MECOM: variants seen among roughly 807,000 people sequenced by gnomAD.
MECOM encodes the protein histone-lysine N-methyltransferase MECOM.
MECOM carries 13 observed loss-of-function variants against 116.3 expected under a neutral mutation model. The observed-to-expected ratio is 0.11, with a 90% CI of 0.07 to 0.18. The LOEUF (loss-of-function observed/expected upper bound fraction) is 0.18. MECOM is among the 10% of genes least tolerant of loss of function. The pLI is 1.00. For synonymous variants in MECOM, 528 were observed against 535.2 expected (o/e 0.99, Z 0.19); for missense variants, 1,299 against 1,509.0 (o/e 0.86, Z 2.31).
At chr3:169,113,010 C>A in intron 8 of MECOM, 136 bp from the exon 9 acceptor site, 1 of 609,856 alleles carries the variant, frequency 1.6e-6, no homozygotes, top group Admixed American at 3.2e-5. Flanking sequence ...ACTATAGAGA[C>A]ATCTGTCCAG....
At chr3:169,432,830 A>C (rs572130510) in intron 1 of MECOM, among the ~76,000 whole-genome samples, 5 of 152,346 alleles carry the variant, frequency 3.3e-5, no homozygotes, top group Non-Finnish European at 2.9e-5. Flanking sequence ...TAAAGGCTAC[A>C]GTAGATTGTT....
chr3:169,479,751 T>C (rs190322098), intron 1 of MECOM, among the ~76,000 whole-genome samples: 4 of 152,100 alleles, frequency 2.6e-5, no homozygotes, highest in African/African-American at 4.8e-5. Context: ...TCATGCCTAA[T>C]GTCTTCTAAA....
chr3:169,570,833 G>A (rs924816763), intron 1 of MECOM, among the ~76,000 whole-genome samples: 9 of 152,000 alleles, frequency 5.9e-5, no homozygotes, highest in South Asian at 2.1e-4. Flanking sequence ...TTGATGGAAC[G>A]TATCTAAAAA....
chr3:169,251,803 C>T (rs536034162), intron 2 of MECOM, among the ~76,000 whole-genome samples: 4 of 152,104 alleles, frequency 2.6e-5, no homozygotes, highest in Non-Finnish European at 4.4e-5. Flanking sequence ...TTAAAAGCCC[C>T]GTCGACTGTG....
At chr3:169,109,868 T>C (rs1726760189) in intron 9 of MECOM, among the ~76,000 whole-genome samples, 1 of 152,200 alleles carries the variant, frequency 6.6e-6, no homozygotes, top group African/African-American at 2.4e-5. Flanking sequence ...GGAAGGAATA[T>C]GCTGGGAACA....
chr3:169,428,498 T>C (rs916386375), intron 1 of MECOM, among the ~76,000 whole-genome samples: 2 of 152,194 alleles, frequency 1.3e-5, no homozygotes, highest in Non-Finnish European at 2.9e-5. Context: ...CCTTCTGCTA[T>C]GCGGCCCAGT....
At chr3:169,446,052 C>A (rs1744574164) in intron 1 of MECOM, among the ~76,000 whole-genome samples, 1 of 152,130 alleles carries the variant, frequency 6.6e-6, no homozygotes, top group South Asian at 2.1e-4. Flanking sequence ...AAGGGAGTTG[C>A]CTTGTTTCAG....
intron 1 of MECOM, among the ~76,000 whole-genome samples, chr3:169,444,885 G>A (rs2108632482): frequency 6.6e-6 from 1 of 152,296 alleles, no homozygotes; most frequent in Non-Finnish European, 1.5e-5. Flanking sequence ...GTTGGAAACT[G>A]GAGCAAAGGT....
At chr3:169,514,791 T>C (rs1488733471) in intron 1 of MECOM, among the ~76,000 whole-genome samples, 1 of 152,146 alleles carries the variant, frequency 6.6e-6, no homozygotes, top group East Asian at 1.9e-4. Context: ...GTCCAAATAT[T>C]GTCTTGGGTT....
At chr3:169,477,137 A>G (rs1750601372) in intron 1 of MECOM, 1 of 91,142 alleles carries the variant, frequency 1.1e-5, no homozygotes. Flanking sequence ...ATATATATAT[A>G]TATATATATA....
rs1226362963 is a variant in MECOM at position 169,084,208 on chromosome 3, A to C, written c.*701T>G. On this transcript the variant is annotated 3_prime_UTR_variant, in exon 17 of 17. Transcript: ENST00000651503. Reference sequence around the variant, plus strand: ...AAGATGTTATTACAAGGATTTGGCAAACAATTTATTAGTGGTACAGCGGTA... The same window carrying C: ...AAGATGTTATTACAAGGATTTGGCACACAATTTATTAGTGGTACAGCGGTA... 1 of 231,984 alleles carries C rather than the reference A, an allele frequency of 4.3e-6. No homozygotes were observed. Among genetic ancestry groups the C allele is most frequent in the Non-Finnish European group, 8.5e-6 (1 of 117,348 alleles). The allele number at this position is 231,984 out of a possible 1,614,324, so 14.4% of individuals were successfully genotyped here.
At chr3:169,494,998 G>A (rs1753640589) in intron 1 of MECOM, among the ~76,000 whole-genome samples, 1 of 152,190 alleles carries the variant, frequency 6.6e-6, no homozygotes, top group Non-Finnish European at 1.5e-5. Flanking sequence ...TTGTAGGCTA[G>A]ATCCTTTTCT....
At chr3:169,573,151 G>A (rs1042151204) in intron 1 of MECOM, among the ~76,000 whole-genome samples, 1 of 152,116 alleles carries the variant, frequency 6.6e-6, no homozygotes, top group Non-Finnish European at 1.5e-5. Context: ...CTCACCCTCT[G>A]CTTTCACAGA....
chr3:169,254,925 CTCT>C (rs1231314720), intron 2 of MECOM, among the ~76,000 whole-genome samples: 1 of 151,996 alleles, frequency 6.6e-6, no homozygotes. Context: ...TCCATGAAGG[CTCT>C]TCTTCTGCTT....
At chr3:169,395,638 G>T (rs1262267289) in intron 1 of MECOM, among the ~76,000 whole-genome samples, 1 of 151,992 alleles carries the variant, frequency 6.6e-6, no homozygotes, top group African/African-American at 2.4e-5. Context: ...AAGAAAAAAG[G>T]AATAAAAAAC....
intron 1 of MECOM, among the ~76,000 whole-genome samples, chr3:169,486,413 C>G (rs1182621818): frequency 6.6e-6 from 1 of 151,882 alleles, no homozygotes; most frequent in Non-Finnish European, 1.5e-5. Flanking sequence ...GGCCAGAAAC[C>G]AAACAGCAAG....
At chr3:169,650,011 A>T (rs1483284321) in intron 1 of MECOM, among the ~76,000 whole-genome samples, 1 of 152,194 alleles carries the variant, frequency 6.6e-6, no homozygotes, top group African/African-American at 2.4e-5. Flanking sequence ...ATTTTTTCTG[A>T]ATTTTTTATA....
At chr3:169,338,561 T>C (rs926927010) in intron 2 of MECOM, among the ~76,000 whole-genome samples, 1 of 151,878 alleles carries the variant, frequency 6.6e-6, no homozygotes, top group Non-Finnish European at 1.5e-5. Flanking sequence ...AACACTTTTT[T>C]CTGAATTATA....
At chr3:169,471,449 T>G (rs908822545) in intron 1 of MECOM, among the ~76,000 whole-genome samples, 1 of 152,082 alleles carries the variant, frequency 6.6e-6, no homozygotes, top group African/African-American at 2.4e-5. Context: ...TATATTTAAA[T>G]GAAAGCAGAT....
Sources: allele counts gnomAD v4.1 joint callset (sites outside exome capture counted in the v4.1 genomes callset), GRCh38; gene constraint gnomAD v4.1.1; transcripts MANE v1.5; gene names NCBI Gene and HGNC (gene_info 2026-07-23, HGNC 2026-07-21).